Variants in RNF213 observed in about 807,000 individuals in gnomAD.
RNF213 encodes the protein E3 ubiquitin-protein ligase RNF213.
RNF213 carries 341 observed loss-of-function variants against 514.4 expected under a neutral mutation model. That is an observed-to-expected ratio of 0.66 (90% confidence interval 0.61 to 0.73). The LOEUF is 0.73. Among genes scored for constraint, RNF213 ranks in the 30% least tolerant of loss-of-function variants. The probability of loss-of-function intolerance (pLI) is 0.00; values close to 1 mark genes in which losing one functional copy is unlikely to be tolerated. For missense variants in RNF213, 5,767 were observed against 6,615.6 expected, an observed-to-expected ratio of 0.87 and a Z score of 4.45; for synonymous variants, 2,655 against 2,658.2, an observed-to-expected ratio of 1.00 and a Z score of 0.04.
In RNF213 at chr17:80,291,644, C is replaced by T. The variant is rs750041792; in HGVS notation, c.1288C>T (p.Arg430Cys). The change falls in exon 8 of 68, where the codon CGC (arginine) becomes TGC (cysteine). Residue 430 changes from arginine to cysteine, a missense_variant. Coordinates refer to ENST00000582970, the MANE Select transcript of RNF213 (RefSeq NM_001256071.3). The part of the protein sequence containing the change: ...LHYTRDLGHD[R>C]VLVEGIVCIS... ...CATTCACAGAGACTTGGGTCATGAC[C>T]GCGTTCTTGTTGAAGGCATTGTCTG... 1.2e-5 allele frequency: 19 copies of T among 1,614,042 alleles called. No individual in the cohort carries two copies. Among genetic ancestry groups the T allele is most frequent in the African/African-American group, 1.1e-4 (8 of 74,920 alleles).
At position 80,393,644 on chromosome 17, in the gene RNF213, T is replaced by C. The variant is rs545760501; in HGVS notation, c.*146T>C. Reference sequence around the variant, plus strand: ...CACCGAATTCAAGACCAAGGCGTGCTACCTGAGCTGACAGCTTTTTGAAAG... The same window carrying C: ...CACCGAATTCAAGACCAAGGCGTGCCACCTGAGCTGACAGCTTTTTGAAAG... On this transcript the variant is annotated 3_prime_UTR_variant, in exon 68 of 68. Transcript: ENST00000582970. 4.9e-6 allele frequency: 4 copies of C among 823,232 alleles called. No homozygotes were observed. Among genetic ancestry groups the C allele is most frequent in the South Asian group, 3.3e-5 (2 of 59,844 alleles). The allele number at this position is 823,232 out of a possible 1,614,324, so 51.0% of individuals were successfully genotyped here. A position where few individuals can be genotyped will look rare whatever the true frequency, so the allele number is the denominator to read the frequency against.
chr17:80,277,737 A>G (rs1022162876), intron 3 of RNF213, among the ~76,000 whole-genome samples: 2 of 152,158 alleles, frequency 1.3e-5, no homozygotes, highest in Non-Finnish European at 2.9e-5. Flanking sequence ...CCAATCCCAC[A>G]GGGAGCCTAT....
chr17:80,289,130 C>T (rs1445611358), intron 5 of RNF213, among the ~76,000 whole-genome samples: 4 of 152,124 alleles, frequency 2.6e-5, no homozygotes, highest in African/African-American at 7.2e-5. Context: ...GCGGCAGGGA[C>T]GCCAGTGCCC....
intron 6 of RNF213, 88 bp from the exon 7 acceptor site, chr17:80,290,474 TGTGTGTGC>T: frequency 1.3e-5 from 19 of 1,430,516 alleles, no homozygotes; most frequent in Middle Eastern, 2.5e-4. Context: ...TGTGTGCACG[TGTGTGTGC>T]GCACGTGTGT....
chr17:80,395,077 G>C lies in RNF213; in HGVS notation c.*1579G>C, dbSNP rs1444478197. The C allele has an allele frequency of 6.6e-6, 1 of 152,110 alleles. No individual in the cohort carries two copies. The allele number at this position is 152,110 out of a possible 1,614,324, so 9.4% of individuals were successfully genotyped here. On this transcript the variant is annotated 3_prime_UTR_variant, in exon 68 of 68. Coordinates refer to ENST00000582970, the MANE Select transcript of RNF213 (RefSeq NM_001256071.3). Reference sequence around the variant, plus strand: ...TCAGCAGGGGGGGAGTCGAGTGTCAGTCTCTTTCTGTGAAGGCTTTTTTTT... The same window carrying C: ...TCAGCAGGGGGGGAGTCGAGTGTCACTCTCTTTCTGTGAAGGCTTTTTTTT...
Position 80,347,897 on chromosome 17 carries a change from G to A in RNF213, c.9562G>A (p.Val3188Met), listed in dbSNP as rs749076966. ...GCTGGAGAAATGGCAGAAGAGCATC[G>A]TGGAGGAGCTCTGTGCGTGGGTGGA... ...TVLEKWQKSIVEELCAWVEKF... is the reference protein window; with the variant it reads ...TVLEKWQKSIMEELCAWVEKF... The change falls in exon 29 of 68, where the codon GTG becomes ATG. Residue 3188 changes from valine to methionine, a missense_variant. Physicochemically the swap from Val to Met is conservative, Grantham distance 21 (BLOSUM62 1). Transcript: ENST00000582970. The surrounding 1 kb of genome is among the most constrained non-coding windows in gnomAD (Gnocchi z 7.2). 3.1e-5 allele frequency: 50 copies of A among 1,614,238 alleles called. No individual in the cohort carries two copies. Among genetic ancestry groups the A allele is most frequent in the South Asian group, 5.5e-5 (5 of 91,080 alleles).
intron 36 of RNF213, chr17:80,354,832 C>T: frequency 1.9e-6 from 1 of 537,086 alleles, no homozygotes; most frequent in Non-Finnish European, 3.3e-6. Flanking sequence ...AAAAGTAAAA[C>T]ATCTGTTCTT....
At chr17:80,305,747 G>A (rs566132601) in intron 11 of RNF213, among the ~76,000 whole-genome samples, 120 of 152,046 alleles carry the variant, frequency 7.9e-4, no homozygotes, top group Non-Finnish European at 1.3e-3. Flanking sequence ...GAGTAGCTGG[G>A]ATTACAGGAT....
rs2046089409 is a variant in RNF213 at position 80,320,104 on chromosome 17, A to ACTGTG, written c.3024+792_3024+793insCTGTG. 2.2e-5 allele frequency: 16 copies of ACTGTG among 714,274 alleles called. No individual in the cohort carries two copies. In the South Asian group the frequency reaches 5.3e-4, roughly 24 times the overall value. 44.2% of individuals were successfully genotyped at this position (714,274 alleles called of 1,614,324 possible). On this transcript the variant is annotated intron_variant, in intron 17 of 67. Transcript: ENST00000582970. ...TTTTGGGGTAGTCACAGATATGTAC[A>ACTGTG]GTCATCACCACAGTTAATGACAGAG... is the stretch of plus-strand genomic sequence containing the variant.
At position 80,398,719 on chromosome 17, in the gene RNF213, GAGAGAGAAAGAGAC is replaced by G. The variant is rs1239795139; in HGVS notation, c.*5226_*5239del. Reference sequence around the variant, plus strand: ...ACAGACAAAGAGGGAGTCAGAGAGAGAGAGAGAAAGAGACAGAGGCAAAAGGAAAGTCAAAGAGA... The same window carrying G: ...ACAGACAAAGAGGGAGTCAGAGAGAGAGAGGCAAAAGGAAAGTCAAAGAGA... On this transcript the variant is annotated 3_prime_UTR_variant, in exon 68 of 68. Coordinates refer to ENST00000582970, the MANE Select transcript of RNF213 (RefSeq NM_001256071.3). 6.6e-6 allele frequency: 1 copy of G among 151,482 alleles called. No homozygotes were observed. Among genetic ancestry groups the G allele is most frequent in the Non-Finnish European group, 1.5e-5 (1 of 67,966 alleles). The allele number at this position is 151,482 out of a possible 1,614,324, so 9.4% of individuals were successfully genotyped here. A position where few individuals can be genotyped will look rare whatever the true frequency, so the allele number is the denominator to read the frequency against.
At position 80,389,857 on chromosome 17, in the gene RNF213, C is replaced by G; in HGVS notation, c.15225C>G (p.Thr5075=). Residue 5075 remains threonine, a synonymous_variant, in exon 66 of 68, where the codon ACC becomes ACG. Coordinates refer to ENST00000582970, the MANE Select transcript of RNF213 (RefSeq NM_001256071.3). Reference sequence around the variant, plus strand: ...TAAACAGATGCCAGTTAAAACACACCATTGCCCTCTGGCAGTTCCTGTCTG... The same window carrying G: ...TAAACAGATGCCAGTTAAAACACACGATTGCCCTCTGGCAGTTCCTGTCTG... ...KALNRCQLKH[T]IALWQFLSAH... The G allele has an allele frequency of 6.2e-7, 1 of 1,614,142 alleles. No individual in the cohort carries two copies. The highest frequency in any genetic ancestry group is 1.3e-5 in the African/African-American group (1 of 75,060).
At position 80,343,775 on chromosome 17, in the gene RNF213, G is replaced by C; in HGVS notation, c.6184-82G>C. The C allele has an allele frequency of 6.9e-7, 1 of 1,446,432 alleles. No individual in the cohort carries two copies. Among genetic ancestry groups the C allele is most frequent in the Admixed American group, 1.7e-5 (1 of 59,782 alleles). 89.6% of individuals were successfully genotyped at this position (1,446,432 alleles called of 1,614,324 possible). The stretch of plus-strand genomic sequence containing the variant: ...ATCATCAGGATCATCGTGACAAAGA[G>C]CAAAATAAGGAGGGGTTACTTAGAG... On this transcript the variant is annotated intron_variant, in intron 27 of 67. Transcript: ENST00000582970. The surrounding 1 kb of genome is among the most constrained non-coding windows in gnomAD (Gnocchi z 4.3).
chr17:80,352,929 A>G lies in RNF213; in HGVS notation c.10304-11A>G. The G allele has an allele frequency of 1.2e-6, 2 of 1,613,810 alleles. No homozygotes were observed. The highest frequency in any genetic ancestry group is 2.2e-5 in the South Asian group (2 of 91,082). On this transcript the variant is annotated splice_polypyrimidine_tract_variant and intron_variant, in intron 32 of 67. Coordinates refer to ENST00000582970, the MANE Select transcript of RNF213 (RefSeq NM_001256071.3). ...CACAAAGACAGTTGTGGGTGGCTTC[A>G]CTCTTCACAGGGCTGTGGCAGTCTG...
chr17:80,358,342 GAT>G lies in RNF213; in HGVS notation c.10920_10921del (p.Ser3641IlefsTer30). Reference sequence around the variant, plus strand: ...CTGTCACCCCTCTGCTGGCGAGCATGATATCATTCATCGACAGAGACGGCAAC... The same window carrying G: ...CTGTCACCCCTCTGCTGGCGAGCATGATCATTCATCGACAGAGACGGCAAC... ...GAVTPLLASM[I>X]SFIDRDGNLE... is the part of the protein sequence containing the mutation. On this transcript the variant is annotated frameshift_variant, in exon 37 of 68. Transcript: ENST00000582970. LOFTEE classifies it high-confidence loss of function. 3 of 1,614,172 alleles carry G rather than the reference GAT, an allele frequency of 1.9e-6. No homozygotes were observed.
At chr17:80,391,634 G>C (rs774291168) in intron 67 of RNF213, among the ~76,000 whole-genome samples, 7 of 151,972 alleles carry the variant, frequency 4.6e-5, no homozygotes, top group Admixed American at 6.6e-5. Context: ...CTTCTCTGCC[G>C]TGTGCCACAG....
At chr17:80,271,208 T>G (rs1259822312) in intron 2 of RNF213, among the ~76,000 whole-genome samples, 2 of 152,204 alleles carry the variant, frequency 1.3e-5, no homozygotes, top group Non-Finnish European at 2.9e-5. Context: ...GGTCGCCTGT[T>G]GCAGATCTTT....
Position 80,347,348 on chromosome 17 carries a change from G to A in RNF213, c.9013G>A (p.Glu3005Lys), listed in dbSNP as rs147076172. Residue 3005 changes from glutamate (E) to lysine (K), a missense_variant, in exon 29 of 68, where the codon GAG becomes AAG. By Grantham distance (56) the Glu-to-Lys change is moderately conservative (BLOSUM62 1). This residue lies in a region of RNF213 where 919 missense variants were observed against 1,121.0 expected (regional missense o/e 0.82). Transcript: ENST00000582970. The surrounding 1 kb of genome is among the most constrained non-coding windows in gnomAD (Gnocchi z 7.2). ...GGACATCTTTCTGGCCAATTTGCCC[G>A]AGGCCAAGTGCTCAGAGGAAGTCAG... ...ALDIFLANLP[E>K]AKCSEEVSPM... 28 of 1,613,930 alleles carry A rather than the reference G, an allele frequency of 1.7e-5. No homozygotes were observed. In the East Asian group the frequency reaches 2.9e-4, roughly 17 times the overall value.
At chr17:80,287,301 G>T (rs1011762038) in intron 3 of RNF213, among the ~76,000 whole-genome samples, 11 of 152,286 alleles carry the variant, frequency 7.2e-5, no homozygotes, top group African/African-American at 2.6e-4. Flanking sequence ...TTCAAAACCA[G>T]CTTGGGCAAC....
rs758896947 is a variant in RNF213, at chr17:80,346,688, G to A, written c.8353G>A (p.Ala2785Thr). The A allele has an allele frequency of 3.7e-6, 6 of 1,611,054 alleles. No homozygotes were observed. The highest frequency in any genetic ancestry group is 1.7e-5 in the Admixed American group (1 of 60,012). The change falls in exon 29 of 68, where the codon GCC (alanine) becomes ACC (threonine). Residue 2785 changes from alanine (A) to threonine (T), a missense_variant. Physicochemically the swap from Ala to Thr is moderately conservative, Grantham distance 58 (BLOSUM62 0). This residue lies in a region of RNF213 where 105 missense variants were observed against 183.9 expected (regional missense o/e 0.57). Transcript: ENST00000582970. This position sits in a 1 kb window ranked among gnomAD's most constrained non-coding sequence, Gnocchi z 8.1. Reference sequence around the variant, plus strand: ...TCTCGCCAAGACCATCGTGGCAGACGCCATGCAGGGCCCGGCTGCCTACTC... The same window carrying A: ...TCTCGCCAAGACCATCGTGGCAGACACCATGCAGGGCCCGGCTGCCTACTC... ...KSLAKTIVAD[A>T]MQGPAAYSDL...
Sources: gnomAD v4.1 joint callset for allele counts (sites outside exome capture counted in the v4.1 genomes callset) on GRCh38, gnomAD v4.1.1 for gene constraint, gnomAD v4.1.1 regional missense constraint, Gnocchi (gnomAD v3.1) non-coding constraint, MANE v1.5 for transcripts, NCBI Gene and HGNC (gene_info 2026-07-23, HGNC 2026-07-21) for gene names.